EPHA5: variants seen among roughly 807,000 people sequenced by gnomAD.
EPHA5 encodes EPH receptor A5, also known as ephrin type-A receptor 5.
A neutral mutation model predicts 105.0 loss-of-function variants in EPHA5; 60 were observed. The ratio of observed to expected loss-of-function variants is 0.57; its 90% CI spans 0.46 to 0.71. The LOEUF is 0.71. EPHA5 is among the 30% of genes least tolerant of loss of function. The pLI, the probability that EPHA5 is intolerant of heterozygous loss-of-function variation, is 0.00. For missense variants in EPHA5, 1,218 were observed against 1,274.7 expected, an observed-to-expected ratio of 0.96 and a Z score of 0.68; for synonymous variants, 513 against 449.1, an observed-to-expected ratio of 1.14 and a Z score of -1.80.
chr4:65,499,542 A>G (rs4407558), intron 3 of EPHA5, among the ~76,000 whole-genome samples: 4,827 of 151,596 alleles, frequency 0.032, 264 homozygotes, highest in African/African-American at 0.11. Context: ...AATGAAAACT[A>G]TTTTTGTTGA....
intron 3 of EPHA5, among the ~76,000 whole-genome samples, chr4:65,522,682 C>T (rs1307676372): frequency 6.6e-6 from 1 of 151,930 alleles, no homozygotes; most frequent in Non-Finnish European, 1.5e-5. Context: ...ACAGAAACAG[C>T]AGAGGAGCTG....
chr4:65,346,076 T>TTC (rs201559678), intron 14 of EPHA5, among the ~76,000 whole-genome samples: 2,154 of 99,080 alleles, frequency 0.022, 53 homozygotes, highest in African/African-American at 0.077. Context: ...GCCTCTTCTT[T>TTC]TCTCTCTCTT....
chr4:65,384,429 T>C (rs1229206811), intron 8 of EPHA5, among the ~76,000 whole-genome samples: 1 of 151,938 alleles, frequency 6.6e-6, no homozygotes, highest in Non-Finnish European at 1.5e-5. Flanking sequence ...ACCTAATAAC[T>C]GCAAACTTCC....
At chr4:65,492,985 T>TTGG (rs1460864991) in intron 4 of EPHA5, among the ~76,000 whole-genome samples, 4 of 64,248 alleles carry the variant, frequency 6.2e-5, no homozygotes, top group Admixed American at 3.1e-4. Context: ...TCTGTTTTGT[T>TTGG]TTGTTTTGTT....
intron 3 of EPHA5, among the ~76,000 whole-genome samples, chr4:65,556,353 C>T (rs1364542851): frequency 2.6e-5 from 4 of 152,092 alleles, no homozygotes; most frequent in African/African-American, 2.4e-5. Context: ...TCCAGCCACA[C>T]GCTGGGAACA....
At chr4:65,389,186 C>A (rs1314647023) in intron 8 of EPHA5, among the ~76,000 whole-genome samples, 1 of 151,972 alleles carries the variant, frequency 6.6e-6, no homozygotes, top group African/African-American at 2.4e-5. Flanking sequence ...AATACTTGTG[C>A]AAGCTTAATG....
chr4:65,630,177 G>GTCA, intron 2 of EPHA5, among the ~76,000 whole-genome samples: 1 of 151,924 alleles, frequency 6.6e-6, no homozygotes, highest in Non-Finnish European at 1.5e-5. Flanking sequence ...ATAATCATTG[G>GTCA]TCACAGCTAG....
At chr4:65,613,829 T>C (rs1256816246) in intron 2 of EPHA5, among the ~76,000 whole-genome samples, 2 of 152,036 alleles carry the variant, frequency 1.3e-5, no homozygotes, top group African/African-American at 4.8e-5. Flanking sequence ...GTTTATGTTT[T>C]TTGATCATTA....
At chr4:65,338,189 A>G (rs1721365637) in intron 14 of EPHA5, among the ~76,000 whole-genome samples, 1 of 152,108 alleles carries the variant, frequency 6.6e-6, no homozygotes, top group Non-Finnish European at 1.5e-5. Context: ...ATAAAGAAAT[A>G]TTTTTAAAAA....
intron 3 of EPHA5, among the ~76,000 whole-genome samples, chr4:65,568,300 T>C (rs1739768628): frequency 6.6e-6 from 1 of 151,482 alleles, no homozygotes; most frequent in Non-Finnish European, 1.5e-5. Flanking sequence ...GAATTGAATA[T>C]GCAGGTCTTT....
At chr4:65,607,806 A>G (rs1370790091) in intron 2 of EPHA5, among the ~76,000 whole-genome samples, 1 of 152,142 alleles carries the variant, frequency 6.6e-6, no homozygotes, top group African/African-American at 2.4e-5. Context: ...CTGAAATACC[A>G]TTTGACCCAG....
At chr4:65,450,739 G>A (rs1032432692) in intron 5 of EPHA5, among the ~76,000 whole-genome samples, 54 of 152,130 alleles carry the variant, frequency 3.5e-4, no homozygotes, top group African/African-American at 1.2e-3. Context: ...AGTCACCTAC[G>A]CATTGACTTT....
intron 5 of EPHA5, among the ~76,000 whole-genome samples, chr4:65,467,542 G>C (rs766899700): frequency 3.9e-5 from 6 of 152,158 alleles, no homozygotes; most frequent in Non-Finnish European, 5.9e-5. Context: ...CCTGCTGCAG[G>C]TTGAAAGACC....
intron 3 of EPHA5, among the ~76,000 whole-genome samples, chr4:65,505,199 T>C (rs1732885300): frequency 9.2e-5 from 14 of 152,056 alleles, no homozygotes; most frequent in Admixed American, 9.2e-4. Context: ...TAGGAAAAGT[T>C]AGAATAAGCT....
chr4:65,575,996 G>GAA (rs1488078907), intron 3 of EPHA5, among the ~76,000 whole-genome samples: 1,052 of 62,264 alleles, frequency 0.017, 37 homozygotes, highest in Admixed American at 0.033. Context: ...GAGAGAGAGA[G>GAA]AGAGAGAAAG....
At chr4:65,350,769 C>T (rs567341870) in intron 13 of EPHA5, among the ~76,000 whole-genome samples, 2 of 151,928 alleles carry the variant, frequency 1.3e-5, no homozygotes, top group African/African-American at 2.4e-5. Context: ...TGAAATATAA[C>T]AATATGAGTT....
intron 3 of EPHA5, among the ~76,000 whole-genome samples, chr4:65,582,169 A>G (rs1741689588): frequency 6.6e-6 from 1 of 151,682 alleles, no homozygotes; most frequent in Non-Finnish European, 1.5e-5. Context: ...TAATTTAATA[A>G]CTTGAAACCA....
chr4:65,396,415 T>A (rs1220815920), intron 8 of EPHA5, among the ~76,000 whole-genome samples: 1 of 151,378 alleles, frequency 6.6e-6, no homozygotes. Flanking sequence ...TACTTTTGAA[T>A]CAGACCCTGA....
Position 65,551,278 on chromosome 4 carries a change from GTGTATATA to G in EPHA5, c.910+50355_910+50362del, listed in dbSNP as rs776098476. On this transcript the variant is annotated intron_variant, in intron 3 of 16. Coordinates refer to ENST00000613740, the MANE Select transcript of EPHA5 (RefSeq NM_001281766.3). ...TATGTGTGTGTGTGTGTGTGTGTGT[GTGTATATA>G]TATATATATATATATGGAGTCAGCA... Among the ~76,000 whole-genome samples, 633 of 105,292 alleles carry G rather than the reference GTGTATATA, an allele frequency of 6.0e-3. 4 individuals are homozygous for G. The highest frequency in any genetic ancestry group is 6.0e-3 in the Non-Finnish European group (292 of 48,612). The allele number at this position is 105,292 out of a possible 152,430, so 69.1% of individuals were successfully genotyped here. A position where few individuals can be genotyped will look rare whatever the true frequency, so the allele number is the denominator to read the frequency against.
Sources: allele counts gnomAD v4.1 joint callset (sites outside exome capture counted in the v4.1 genomes callset), GRCh38; gene constraint gnomAD v4.1.1; transcripts MANE v1.5; gene names NCBI Gene and HGNC (gene_info 2026-07-23, HGNC 2026-07-21).